Variants in FIG4 observed in about 807,000 individuals in gnomAD.
FIG4 encodes FIG4 phosphoinositide 5-phosphatase, also known as polyphosphoinositide phosphatase.
Under a neutral mutation model 118.6 loss-of-function variants are expected in FIG4, and 112 were observed. The ratio of observed to expected loss-of-function variants is 0.94; its 90% CI spans 0.81 to 1.11. The LOEUF (loss-of-function observed/expected upper bound fraction) is 1.11, where lower values mean the gene tolerates loss of function less well. Among genes scored for constraint, FIG4 ranks in the 50% least tolerant of loss-of-function variants. FIG4 has a pLI of 0.00. For missense variants in FIG4, 969 were observed against 1,111.7 expected (o/e 0.87, Z 1.83); for synonymous variants, 369 against 381.2 (o/e 0.97, Z 0.37).
intron 10 of FIG4, among the ~76,000 whole-genome samples, chr6:109,748,253 G>A (rs1252302545): frequency 2.6e-5 from 4 of 152,142 alleles, no homozygotes; most frequent in Admixed American, 6.6e-5. Flanking sequence ...ATGAGTATAA[G>A]CACAGGTAAA....
chr6:109,745,775 C>T (rs942992274), intron 10 of FIG4, among the ~76,000 whole-genome samples: 12 of 151,996 alleles, frequency 7.9e-5, no homozygotes, highest in African/African-American at 2.9e-4. Flanking sequence ...GGTTTTGGGT[C>T]TTACGTTTAA....
chr6:109,811,838 C>CA (rs1778729428), intron 22 of FIG4, among the ~76,000 whole-genome samples: 1 of 152,148 alleles, frequency 6.6e-6, no homozygotes, highest in Non-Finnish European at 1.5e-5. Context: ...TGAAAAAGAG[C>CA]AGTCTACATG....
intron 22 of FIG4, among the ~76,000 whole-genome samples, chr6:109,824,133 TG>T (rs1462738015): frequency 6.6e-6 from 1 of 151,906 alleles, no homozygotes; most frequent in Admixed American, 6.6e-5. Flanking sequence ...CCCCACGGGG[TG>T]CATGGAAATT....
chr6:109,718,383 T>G (rs1455949145), intron 3 of FIG4, among the ~76,000 whole-genome samples: 2 of 152,208 alleles, frequency 1.3e-5, no homozygotes, highest in African/African-American at 2.4e-5. Context: ...CTACAGATAT[T>G]AACAAAATTA....
chr6:109,749,055 CTGTG>C (rs113357544), intron 10 of FIG4, among the ~76,000 whole-genome samples: 5,282 of 132,374 alleles, frequency 0.04, 192 homozygotes, highest in African/African-American at 0.1. Context: ...CAAAGGAGCT[CTGTG>C]TGTGTGTGTG....
intron 1 of FIG4, among the ~76,000 whole-genome samples, chr6:109,700,380 A>G (rs1774870372): frequency 6.6e-6 from 1 of 152,224 alleles, no homozygotes; most frequent in South Asian, 2.1e-4. Flanking sequence ...AACACCCAAT[A>G]AAAAGGACAA....
chr6:109,724,373 C>T (rs1010770281), intron 3 of FIG4, among the ~76,000 whole-genome samples: 1 of 152,164 alleles, frequency 6.6e-6, no homozygotes, highest in Non-Finnish European at 1.5e-5. Flanking sequence ...ATTAGACCTC[C>T]GTTCAGCTGT....
chr6:109,754,014 TGCCA>T (rs1776799856), intron 10 of FIG4, among the ~76,000 whole-genome samples: 1 of 152,206 alleles, frequency 6.6e-6, no homozygotes, highest in South Asian at 2.1e-4. Context: ...CCCTGTCTTG[TGCCA>T]GTTTTCAAAG....
intron 22 of FIG4, among the ~76,000 whole-genome samples, chr6:109,814,884 G>GAT (rs1281649925): frequency 6.6e-6 from 1 of 152,006 alleles, no homozygotes; most frequent in Non-Finnish European, 1.5e-5. Context: ...CTGAGCATTA[G>GAT]GTATACCTGT....
At chr6:109,723,737 T>A (rs537851166) in intron 3 of FIG4, among the ~76,000 whole-genome samples, 1 of 152,322 alleles carries the variant, frequency 6.6e-6, no homozygotes, top group African/African-American at 2.4e-5. Flanking sequence ...GAAATTGAAC[T>A]TGATAAAAAT....
At chr6:109,760,129 A>C in intron 10 of FIG4, 121 bp from the exon 11 acceptor site, 1 of 750,002 alleles carries the variant, frequency 1.3e-6, no homozygotes, top group Non-Finnish European at 2.3e-6. Context: ...GCTAGGTTTC[A>C]TTTTAGTATA....
chr6:109,790,810 T>G (rs1583739940), intron 19 of FIG4, among the ~76,000 whole-genome samples: 1 of 152,128 alleles, frequency 6.6e-6, no homozygotes, highest in Admixed American at 6.5e-5. Context: ...TGTAGGGTTT[T>G]CCCCCCTTCT....
chr6:109,820,246 A>G (rs970213027), intron 22 of FIG4, among the ~76,000 whole-genome samples: 22 of 152,228 alleles, frequency 1.4e-4, no homozygotes, highest in African/African-American at 5.3e-4. Context: ...TCACATGAGA[A>G]TAGATGGTAT....
At chr6:109,736,534 G>T (rs1776163873) in intron 6 of FIG4, among the ~76,000 whole-genome samples, 1 of 152,076 alleles carries the variant, frequency 6.6e-6, no homozygotes, top group African/African-American at 2.4e-5. Flanking sequence ...TTGAATATTT[G>T]CTTGCAACGC....
intron 2 of FIG4, 87 bp from the exon 3 acceptor site, chr6:109,716,358 G>T: frequency 7.4e-7 from 1 of 1,356,320 alleles, no homozygotes. Flanking sequence ...GATGATGCTT[G>T]TAGGTAACTT....
intron 1 of FIG4, among the ~76,000 whole-genome samples, chr6:109,692,507 A>G (rs1283404884): frequency 6.6e-6 from 1 of 152,186 alleles, no homozygotes; most frequent in Non-Finnish European, 1.5e-5. Flanking sequence ...AGAATTGTGG[A>G]CCTTAAATTA....
At position 109,789,646 on chromosome 6, in the gene FIG4, A is replaced by G. The variant is rs1259009213; in HGVS notation, c.2149A>G (p.Lys717Glu). The G allele has an allele frequency of 1.2e-6, 2 of 1,613,386 alleles. No individual in the cohort carries two copies. Among genetic ancestry groups the G allele is most frequent in the Non-Finnish European group, 1.7e-6 (2 of 1,179,408 alleles). Residue 717 changes from lysine (K) to glutamate (E), a missense_variant, in exon 19 of 23, where the codon AAA becomes GAA. By Grantham distance (56) the Lys-to-Glu change is moderately conservative. Around this residue, in one of 3 missense-constraint regions of FIG4, gnomAD observed 330 missense variants for 348.1 expected, o/e 0.95. Transcript: ENST00000230124. ...GIDPSPFTVR[K>E]PDETGKSVLG... ...TGATCCAAGTCCATTTACTGTGCGT[A>G]AACCAGATGAAACTGGAAAATCAGT...
At chr6:109,812,259 A>G (rs1183506018) in intron 22 of FIG4, among the ~76,000 whole-genome samples, 1 of 152,118 alleles carries the variant, frequency 6.6e-6, no homozygotes, top group Non-Finnish European at 1.5e-5. Flanking sequence ...AGTCTCAGGC[A>G]GTTCTTTATA....
At chr6:109,807,457 T>C (rs1778598028) in intron 22 of FIG4, among the ~76,000 whole-genome samples, 1 of 152,216 alleles carries the variant, frequency 6.6e-6, no homozygotes. Flanking sequence ...TTGACAGGTT[T>C]GTTTGTTTCT....
Sources: gnomAD v4.1 joint callset for allele counts (sites outside exome capture counted in the v4.1 genomes callset) on GRCh38, gnomAD v4.1.1 for gene constraint, gnomAD v4.1.1 regional missense constraint, MANE v1.5 for transcripts, NCBI Gene and HGNC (gene_info 2026-07-23, HGNC 2026-07-21) for gene names.